Variants in SLC19A1 observed in about 807,000 individuals in gnomAD.
The protein encoded by SLC19A1 is reduced folate transporter.
In SLC19A1, 37 loss-of-function variants were observed where a neutral mutation model predicts 35.3. The ratio of observed to expected loss-of-function variants is 1.05; its 90% CI spans 0.81 to 1.38. SLC19A1 has a LOEUF of 1.38. Ranked by LOEUF, SLC19A1 falls within the 40% of genes most tolerant of loss-of-function variation. The probability of loss-of-function intolerance (pLI) is 0.00; values close to 1 mark genes in which losing one functional copy is unlikely to be tolerated. For synonymous variants in SLC19A1, 460 were observed against 398.5 expected, an observed-to-expected ratio of 1.15 and a Z score of -1.84; for missense variants, 831 against 826.9, an observed-to-expected ratio of 1.00 and a Z score of -0.06.
upstream of SLC19A1, among the ~76,000 whole-genome samples, chr21:45,545,163 A>T (rs1313918062): frequency 6.6e-6 from 1 of 152,216 alleles, no homozygotes; most frequent in Non-Finnish European, 1.5e-5. Flanking sequence ...ATGCGCAGAC[A>T]CGCACACACA....
At chr21:45,511,072 CCACACACCA>C (rs765698846), downstream of SLC19A1, 56 of 969,384 alleles carry the variant, frequency 5.8e-5, 1 homozygote, top group South Asian at 7.6e-4. Context: ...ATCCACACCC[CCACACACCA>C]CACACACATA....
chr21:45,535,552 C>G (rs2078082325), intron 2 of SLC19A1, among the ~76,000 whole-genome samples: 1 of 152,224 alleles, frequency 6.6e-6, no homozygotes, highest in Non-Finnish European at 1.5e-5. Flanking sequence ...ACGGCCGGCG[C>G]TCAGCAGCCC....
At chr21:45,537,719 T>TGGGGGGGGGCCCCCCCCCCCCCCCC in intron 2 of SLC19A1, 52 bp downstream of exon 2, 4 of 319,776 alleles carry the variant, frequency 1.3e-5, no homozygotes, top group Non-Finnish European at 1.7e-5. Context: ...CAGACGCTGC[T>TGGGGGGGGGCCCCCCCCCCCCCCCC]CCCCGCCCAC....
At position 45,504,044 on chromosome 21, in the gene SLC19A1, C is replaced by G. The variant is rs752396390; in HGVS notation, c.498-5432G>C. 8 of 1,613,572 alleles carry G rather than the reference C, an allele frequency of 5.0e-6. No homozygotes were observed. The highest frequency in any genetic ancestry group is 1.7e-5 in the Admixed American group (1 of 60,000). On this transcript the variant is annotated intron_variant, in intron 3 of 4. Transcript: ENST00000417954. Reference sequence around the variant, plus strand: ...CCGTTTGACTTTCTTCAGTTGGAGGCTGAAATGAAGGTGGGTGACCTCCCT... The same window carrying G: ...CCGTTTGACTTTCTTCAGTTGGAGGGTGAAATGAAGGTGGGTGACCTCCCT...
rs775944368 is a variant in SLC19A1 at position 45,504,488 on chromosome 21, G to A, written c.498-5876C>T. 51 of 1,590,494 alleles carry A rather than the reference G, an allele frequency of 3.2e-5. No homozygotes were observed. The highest frequency in any genetic ancestry group is 6.8e-5 in the East Asian group (3 of 44,072). ...GGAGCCCGGGGGCGGCGGTTTCTTC[G>A]GCTCCAGCCTGCCCGGCCCCCCCGG... On this transcript the variant is annotated intron_variant, in intron 3 of 4. Coordinates refer to the SLC19A1 transcript ENST00000417954.
At chr21:45,529,537 G>A (rs1026706269) in intron 4 of SLC19A1, among the ~76,000 whole-genome samples, 1 of 152,236 alleles carries the variant, frequency 6.6e-6, no homozygotes, top group Non-Finnish European at 1.5e-5. Context: ...GTCTGAGTGT[G>A]TCAGTGTGTG....
rs2077837893 is a variant in SLC19A1, at chr21:45,530,587, A to T, written c.1151+183T>A. ...GCCTGGGGGAGCAGCAAGACGGCAC[A>T]GGAAGGGACGCCCGAGGTCCCAGGG... On this transcript the variant is annotated intron_variant, in intron 4 of 5. Transcript: ENST00000311124. This position sits in a 1 kb window ranked among gnomAD's most constrained non-coding sequence, Gnocchi z 5.3. Among the ~76,000 whole-genome samples the T allele has an allele frequency of 6.6e-6, 1 of 152,158 alleles. No individual in the cohort carries two copies. The highest frequency in any genetic ancestry group is 2.4e-5 in the African/African-American group (1 of 41,444).
chr21:45,557,735 T>C (rs1031045865), intron 1 of SLC19A1, among the ~76,000 whole-genome samples: 2 of 152,038 alleles, frequency 1.3e-5, no homozygotes, highest in African/African-American at 4.8e-5. Context: ...TGTCCTGCGC[T>C]CTGGTGACTC....
At position 45,531,903 on chromosome 21, in the gene SLC19A1, C is replaced by T; in HGVS notation, c.435G>A (p.Arg145=). ...AYSSYIFSLV[R]PARYQRVAGY... is the part of the protein sequence containing the mutation. ...CGGCCACACGCTGGTAGCGCGCGGGCCGCACGAGAGAGAAGATGTAGGAGG... is the reference window on the plus strand; with the variant it reads ...CGGCCACACGCTGGTAGCGCGCGGGTCGCACGAGAGAGAAGATGTAGGAGG... Residue 145 remains arginine, a synonymous_variant, in exon 3 of 6, where the codon CGG becomes CGA. Transcript: ENST00000311124. 1 of 1,590,310 alleles carries T rather than the reference C, an allele frequency of 6.3e-7. No individual in the cohort carries two copies. Among genetic ancestry groups the T allele is most frequent in the Middle Eastern group, 1.7e-4 (1 of 6,034 alleles).
chr21:45,542,813 C>CA (rs1370509915), upstream of SLC19A1, among the ~76,000 whole-genome samples: 1 of 149,240 alleles, frequency 6.7e-6, no homozygotes, highest in African/African-American at 2.5e-5. Context: ...CCCCTCCTGA[C>CA]CCCCCCTCCT....
Position 45,504,001 on chromosome 21 carries a change from T to C in SLC19A1, c.498-5389A>G, listed in dbSNP as rs769911552. The C allele has an allele frequency of 5.0e-6, 8 of 1,611,254 alleles. No homozygotes were observed. The African/African-American group carries it at 8.2e-5, about 17-fold the overall frequency. On this transcript the variant is annotated intron_variant, in intron 3 of 4. Coordinates refer to the SLC19A1 transcript ENST00000417954. ...ACCTCAGCGAGACCCCGCCTGTCTC[T>C]CTCTTGCAGGGCAGTTTCCGTTTGA...
At chr21:45,554,811 A>T (rs1196139325) in intron 1 of SLC19A1, among the ~76,000 whole-genome samples, 1 of 151,784 alleles carries the variant, frequency 6.6e-6, no homozygotes, top group African/African-American at 2.4e-5. Flanking sequence ...TCTTTCTCTT[A>T]CGGTTTCGGT....
chr21:45,503,364 G>A (rs2036969306), intron 3 of SLC19A1, among the ~76,000 whole-genome samples: 1 of 151,994 alleles, frequency 6.6e-6, no homozygotes, highest in Non-Finnish European at 1.5e-5. Flanking sequence ...CTGCATAAAT[G>A]TCTTCTTTTG....
At chr21:45,504,459 G>C (rs1233966401) in intron 3 of SLC19A1, 2 of 1,610,836 alleles carry the variant, frequency 1.2e-6, no homozygotes, top group Non-Finnish European at 1.7e-6. Context: ...AAAGGCGAAA[G>C]GGGGGAGCCC....
chr21:45,547,915 C>G (rs544462779), upstream of SLC19A1, among the ~76,000 whole-genome samples: 27 of 152,228 alleles, frequency 1.8e-4, no homozygotes, highest in Non-Finnish European at 5.9e-5. Flanking sequence ...ACATTCTCCC[C>G]AAATTGATCC....
In SLC19A1 at chr21:45,514,265, C is replaced by CCG. The variant is rs908562993; in HGVS notation, c.*1392_*1393insCG. 2.0e-5 allele frequency: 3 copies of CCG among 148,994 alleles called. No individual in the cohort carries two copies. Among genetic ancestry groups the CCG allele is most frequent in the Admixed American group, 1.3e-4 (2 of 15,156 alleles). 9.2% of individuals were successfully genotyped at this position (148,994 alleles called of 1,614,324 possible). ...GGAAATGGCTGGTGCAGACCCCCCCCCAAGCAGGGTCCCCAGGGTGGCCAT... is the reference window on the plus strand; with the variant it reads ...GGAAATGGCTGGTGCAGACCCCCCCCCGCAAGCAGGGTCCCCAGGGTGGCCAT... On this transcript the variant is annotated 3_prime_UTR_variant, in exon 6 of 6. Coordinates refer to ENST00000311124, the MANE Select transcript of SLC19A1 (RefSeq NM_194255.4).
At chr21:45,527,066 A>G (rs1455466585) in intron 4 of SLC19A1, among the ~76,000 whole-genome samples, 1 of 152,286 alleles carries the variant, frequency 6.6e-6, no homozygotes, top group Non-Finnish European at 1.5e-5. Flanking sequence ...AAAGTCTTTC[A>G]CGGTTAAATG....
rs2078038714 is a variant in SLC19A1 at position 45,534,415 on chromosome 21, G to C, written c.190-2267C>G. 2 of 779,244 alleles carry C rather than the reference G, an allele frequency of 2.6e-6. No homozygotes were observed. Among genetic ancestry groups the C allele is most frequent in the African/African-American group, 3.5e-5 (2 of 57,544 alleles). The allele number at this position is 779,244 out of a possible 1,614,324, so 48.3% of individuals were successfully genotyped here. On this transcript the variant is annotated intron_variant, in intron 2 of 5. Transcript: ENST00000311124. The surrounding 1 kb of genome is among the most constrained non-coding windows in gnomAD (Gnocchi z 4.2). ...GGGGGCATGACAGCCCCAGCCCCTG[G>C]CCGGGGCACAGGTTCTGCCCACAGC...
intron 2 of SLC19A1, among the ~76,000 whole-genome samples, 199 bp from the exon 3 acceptor site, chr21:45,532,347 C>T (rs1388899716): frequency 1.3e-5 from 2 of 152,250 alleles, no homozygotes; most frequent in Non-Finnish European, 2.9e-5. Flanking sequence ...CCGACCGTCC[C>T]GGCAGCCTGG....
Sources: gnomAD v4.1 joint callset for allele counts (sites outside exome capture counted in the v4.1 genomes callset) on GRCh38, gnomAD v4.1.1 for gene constraint, Gnocchi (gnomAD v3.1) non-coding constraint, MANE v1.5 for transcripts, NCBI Gene and HGNC (gene_info 2026-07-23, HGNC 2026-07-21) for gene names.